The following BOLA3 variants were observed in gnomAD, a reference collection of about 807,000 sequenced individuals.
BOLA3 encodes the protein bolA-like protein 3.
Under a neutral mutation model 14.5 loss-of-function variants are expected in BOLA3, and 8 were observed. That is an observed-to-expected ratio of 0.55 (90% CI 0.32 to 0.99). BOLA3 has a LOEUF of 0.99. Ranked by LOEUF, BOLA3 falls within the 50% of genes least tolerant of loss-of-function variation. The probability of loss-of-function intolerance (pLI) is 0.04; values close to 1 mark genes in which losing one functional copy is unlikely to be tolerated. For synonymous variants in BOLA3, 42 were observed against 45.7 expected, an observed-to-expected ratio of 0.92 and a Z score of 0.33; for missense variants, 115 against 138.2, an observed-to-expected ratio of 0.83 and a Z score of 0.84.
intron 3 of BOLA3, among the ~76,000 whole-genome samples, chr2:74,137,591 A>C (rs2103640409): frequency 6.6e-6 from 1 of 152,292 alleles, no homozygotes; most frequent in East Asian, 1.9e-4. Context: ...TTAATTAAAA[A>C]AAAAAAATAG....
chr2:74,143,853 A>AT (rs3045552), intron 2 of BOLA3, among the ~76,000 whole-genome samples: 2,497 of 139,760 alleles, frequency 0.018, 75 homozygotes, highest in African/African-American at 0.058. Flanking sequence ...TGCCTGGCTA[A>AT]TTTTTTTTTT....
intron 3 of BOLA3, among the ~76,000 whole-genome samples, chr2:74,141,906 G>A (rs1334416942): frequency 1.3e-5 from 2 of 152,150 alleles, no homozygotes; most frequent in African/African-American, 4.8e-5. Flanking sequence ...TGACTCATCT[G>A]TAAAGCAGTC....
intron 3 of BOLA3, among the ~76,000 whole-genome samples, chr2:74,141,364 C>CA (rs1478822609): frequency 1.8e-5 from 2 of 112,366 alleles, no homozygotes; most frequent in South Asian, 3.2e-4. Flanking sequence ...CACCGACAGC[C>CA]AAAAAAGGGG....
chr2:74,145,596 G>A (rs1418336873), intron 1 of BOLA3: 2 of 447,814 alleles, frequency 4.5e-6, no homozygotes, highest in South Asian at 2.1e-5. Flanking sequence ...TCCATATAAT[G>A]TTGTGACACT....
intron 2 of BOLA3, 109 bp from the exon 3 acceptor site, chr2:74,142,469 G>A: frequency 1.1e-6 from 1 of 877,592 alleles, no homozygotes; most frequent in Non-Finnish European, 1.9e-6. Flanking sequence ...TTATCATTCA[G>A]CACAAAGGAA....
intron 3 of BOLA3, among the ~76,000 whole-genome samples, chr2:74,135,957 T>TTG (rs1553441951): frequency 4.0e-5 from 6 of 151,032 alleles, no homozygotes; most frequent in African/African-American, 1.5e-4. Flanking sequence ...TCTTTTTTTT[T>TTG]TTTTTTTTTT....
chr2:74,142,134 A>G, intron 3 of BOLA3, 138 bp downstream of exon 3: 1 of 685,124 alleles, frequency 1.5e-6, no homozygotes, highest in Non-Finnish European at 2.6e-6. Flanking sequence ...GATTTTTCTC[A>G]GGTCTTGAGT....
intron 3 of BOLA3, 55 bp from the exon 4 acceptor site, chr2:74,135,713 A>G (rs1410052232): frequency 1.6e-6 from 2 of 1,216,598 alleles, no homozygotes; most frequent in Non-Finnish European, 2.4e-6. Context: ...GATTACAGTA[A>G]TTCTCTGAGA....
intron 3 of BOLA3, among the ~76,000 whole-genome samples, chr2:74,140,727 C>A (rs550937817): frequency 6.6e-6 from 1 of 152,170 alleles, no homozygotes; most frequent in Non-Finnish European, 1.5e-5. Context: ...ATGGTGATGG[C>A]GGTCACATTT....
At chr2:74,147,760 C>T (rs1164774518) in intron 1 of BOLA3, 61 bp downstream of exon 1, 2 of 1,512,670 alleles carry the variant, frequency 1.3e-6, no homozygotes, top group African/African-American at 2.8e-5. Context: ...AGCCGCCGGC[C>T]CCGCGGTCCC....
chr2:74,143,859 T>TA (rs1353552652), intron 2 of BOLA3, among the ~76,000 whole-genome samples: 386 of 150,484 alleles, frequency 2.6e-3, no homozygotes, highest in African/African-American at 9.0e-3. Context: ...GCTAATTTTT[T>TA]TTTTTTTTTT....
chr2:74,147,520 CTT>C, intron 1 of BOLA3: 2 of 444,224 alleles, frequency 4.5e-6, no homozygotes, highest in Non-Finnish European at 8.0e-6. Flanking sequence ...TAAACCAATC[CTT>C]TTTTTTTCCT....
rs780663816 is a variant in BOLA3 at position 74,135,474 on chromosome 2, A to G, written c.*119T>C. 63 of 1,403,964 alleles carry G rather than the reference A, an allele frequency of 4.5e-5. No homozygotes were observed. The South Asian group carries it at 7.0e-4, about 16-fold the overall frequency. 87.0% of individuals were successfully genotyped at this position (1,403,964 alleles called of 1,614,324 possible). A position where few individuals can be genotyped will look rare whatever the true frequency, so the allele number is the denominator to read the frequency against. Reference sequence around the variant, plus strand: ...TAGATTATACATCTTCTATAATTATAATATGGAAATGTATATGAGCAAAAT... The same window carrying G: ...TAGATTATACATCTTCTATAATTATGATATGGAAATGTATATGAGCAAAAT... On this transcript the variant is annotated 3_prime_UTR_variant, in exon 4 of 4. Coordinates refer to ENST00000327428, the MANE Select transcript of BOLA3 (RefSeq NM_212552.3).
At chr2:74,145,995 C>CA (rs952865058) in intron 1 of BOLA3, 7 of 139,910 alleles carry the variant, frequency 5.0e-5, no homozygotes, top group Middle Eastern at 3.3e-3. Context: ...TTTGTGTTTC[C>CA]TTTTTTTTTT....
At position 74,138,543 on chromosome 2, in the gene BOLA3, A is replaced by G. The variant is rs141781257; in HGVS notation, c.259-2885T>C. On this transcript the variant is annotated intron_variant, in intron 3 of 3. Transcript: ENST00000327428. ...GAGAGGGCATCTGCCCCAGGACAGC[A>G]AAGTGAGGAGAGGCTGGGAAGCTCC... 4.6e-3 allele frequency among the ~76,000 whole-genome samples: 708 copies of G among 152,352 alleles called. 5 individuals are homozygous for G. Among genetic ancestry groups the G allele is most frequent in the Non-Finnish European group, 6.1e-3 (412 of 68,032 alleles).
At chr2:74,137,572 T>C (rs1331443831) in intron 3 of BOLA3, among the ~76,000 whole-genome samples, 4 of 150,794 alleles carry the variant, frequency 2.7e-5, no homozygotes, top group Non-Finnish European at 5.9e-5. Context: ...TCTAGTCCCA[T>C]CCCCTTATTT....
In BOLA3 at chr2:74,145,173, G is replaced by A. The variant is rs775438064; in HGVS notation, c.169+16C>T. 6 of 1,413,164 alleles carry A rather than the reference G, an allele frequency of 4.2e-6. No homozygotes were observed. The South Asian group carries it at 6.9e-5, about 16-fold the overall frequency. 87.5% of individuals were successfully genotyped at this position (1,413,164 alleles called of 1,614,324 possible). On this transcript the variant is annotated intron_variant, in intron 2 of 3. Transcript: ENST00000327428. ...ATCTTATCCAAGCGCCGTAGGAAGA[G>A]TGAGAGAAACCTTACCTGAAATGTC... is the stretch of plus-strand genomic sequence containing the variant.
At chr2:74,141,394 C>T (rs1481030507) in intron 3 of BOLA3, among the ~76,000 whole-genome samples, 2 of 151,766 alleles carry the variant, frequency 1.3e-5, no homozygotes, top group South Asian at 2.1e-4. Context: ...GGTGGGGGAA[C>T]GGCATTCATT....
intron 3 of BOLA3, among the ~76,000 whole-genome samples, chr2:74,140,241 G>A (rs1034677767): frequency 3.3e-5 from 5 of 152,132 alleles, no homozygotes; most frequent in South Asian, 4.1e-4. Context: ...CCGAGATAGC[G>A]CCACTGCACT....
Sources: allele counts gnomAD v4.1 joint callset (sites outside exome capture counted in the v4.1 genomes callset), GRCh38; gene constraint gnomAD v4.1.1; transcripts MANE v1.5; gene names NCBI Gene and HGNC (gene_info 2026-07-23, HGNC 2026-07-21).